Variants in COX7B2 observed in about 807,000 individuals in gnomAD.
COX7B2 encodes the protein cytochrome c oxidase subunit 7B2, mitochondrial.
For missense variants in COX7B2, 109 were observed against 95.9 expected (o/e 1.14, Z -0.57); for synonymous variants, 37 against 32.1 (o/e 1.15, Z -0.51).
intron 1 of COX7B2, among the ~76,000 whole-genome samples, chr4:46,878,470 T>C (rs1718491145): frequency 6.7e-6 from 1 of 149,396 alleles, no homozygotes; most frequent in Non-Finnish European, 1.5e-5. Context: ...TACATATACA[T>C]AAGTTAGCAC....
At chr4:46,810,579 T>A (rs758612636) in intron 2 of COX7B2, among the ~76,000 whole-genome samples, 16 of 152,096 alleles carry the variant, frequency 1.1e-4, no homozygotes, top group Admixed American at 5.2e-4. Flanking sequence ...ACAATTTACA[T>A]CTTTTTCTAT....
chr4:46,759,367 A>G (rs972411356), intron 2 of COX7B2, among the ~76,000 whole-genome samples: 3 of 152,108 alleles, frequency 2.0e-5, no homozygotes, highest in African/African-American at 7.2e-5. Context: ...TGAACAAGAA[A>G]CTATGAAGAA....
At chr4:46,784,886 T>A (rs1432986632) in intron 2 of COX7B2, among the ~76,000 whole-genome samples, 1 of 152,248 alleles carries the variant, frequency 6.6e-6, no homozygotes, top group African/African-American at 2.4e-5. Flanking sequence ...AGCTCCTTGA[T>A]CCTGATAGGT....
At chr4:46,883,001 G>A (rs905450790) in intron 1 of COX7B2, among the ~76,000 whole-genome samples, 6 of 152,222 alleles carry the variant, frequency 3.9e-5, no homozygotes, top group African/African-American at 1.2e-4. Context: ...GTAACAATTT[G>A]AAGGCTATGA....
intron 1 of COX7B2, among the ~76,000 whole-genome samples, chr4:46,887,715 A>G (rs1002473741): frequency 1.3e-4 from 20 of 150,948 alleles, no homozygotes; most frequent in African/African-American, 2.9e-4. Context: ...CTTCTCAAAA[A>G]AAAAAAAAAA....
chr4:46,776,542 G>A (rs1459219752), intron 2 of COX7B2, among the ~76,000 whole-genome samples: 1 of 152,088 alleles, frequency 6.6e-6, no homozygotes, highest in Non-Finnish European at 1.5e-5. Context: ...ATATGATTAA[G>A]CGTGTAAAGT....
intron 2 of COX7B2, among the ~76,000 whole-genome samples, chr4:46,792,217 T>C (rs1560383730): frequency 6.6e-6 from 1 of 152,224 alleles, no homozygotes; most frequent in Non-Finnish European, 1.5e-5. Context: ...TTGAAAGTAC[T>C]TCTACATATA....
rs555297027 is a variant in COX7B2 at position 46,860,629 on chromosome 4, C to T, written c.-104-15615G>A. Among the ~76,000 whole-genome samples the T allele has an allele frequency of 2.0e-5, 3 of 152,216 alleles. No individual in the cohort carries two copies. In the South Asian group the frequency reaches 6.2e-4, roughly 32 times the overall value. On this transcript the variant is annotated intron_variant, in intron 1 of 2. Transcript: ENST00000355591. The stretch of plus-strand genomic sequence containing the variant: ...TTCAAAATCCCCCATAGTTTGGGTG[C>T]CCTAGACAGAAGTACATCTGACCAA...
intron 2 of COX7B2, among the ~76,000 whole-genome samples, chr4:46,777,285 G>A (rs891848985): frequency 6.6e-6 from 1 of 152,126 alleles, no homozygotes; most frequent in Non-Finnish European, 1.5e-5. Flanking sequence ...AAGAGTGATT[G>A]AATACAGTTA....
At chr4:46,795,016 C>T (rs1341341652) in intron 2 of COX7B2, among the ~76,000 whole-genome samples, 4 of 140,376 alleles carry the variant, frequency 2.8e-5, no homozygotes, top group East Asian at 1.9e-4. Flanking sequence ...AGTGTCTGTT[C>T]ATGTCCTTCG....
intron 1 of COX7B2, among the ~76,000 whole-genome samples, chr4:46,850,115 G>C (rs1264972729): frequency 6.6e-6 from 1 of 151,202 alleles, no homozygotes; most frequent in Non-Finnish European, 1.5e-5. Context: ...AGGGAAGATA[G>C]ATAAATTGAT....
At chr4:46,762,267 T>A in intron 2 of COX7B2, among the ~76,000 whole-genome samples, 1 of 141,078 alleles carries the variant, frequency 7.1e-6, no homozygotes, top group South Asian at 2.1e-4. Flanking sequence ...TATAATATAT[T>A]TAATATATAT....
At chr4:46,847,856 A>C (rs1393477417) in intron 1 of COX7B2, among the ~76,000 whole-genome samples, 2 of 152,046 alleles carry the variant, frequency 1.3e-5, no homozygotes, top group Non-Finnish European at 2.9e-5. Flanking sequence ...CAGCATTGAA[A>C]ATGACAGGAG....
Position 46,791,190 on chromosome 4 carries a change from T to C in COX7B2, c.-50+53770A>G, listed in dbSNP as rs1455027823. ...ATTTTTTGTATTTTTTTTTTTTTTT[T>C]AGTAGAGAGGGAGTTTTACCGTGTT... On this transcript the variant is annotated intron_variant, in intron 2 of 2. Coordinates refer to ENST00000355591, the MANE Select transcript of COX7B2 (RefSeq NM_130902.3). Among the ~76,000 whole-genome samples, 10 of 151,164 alleles carry C rather than the reference T, an allele frequency of 6.6e-5. No individual in the cohort carries two copies. The South Asian group carries it at 8.4e-4, about 13-fold the overall frequency.
chr4:46,865,987 C>T (rs1199769317), intron 1 of COX7B2, among the ~76,000 whole-genome samples: 3 of 152,180 alleles, frequency 2.0e-5, no homozygotes, highest in Non-Finnish European at 4.4e-5. Flanking sequence ...AGATTGGGTA[C>T]TAGTACCTCC....
chr4:46,872,867 G>A (rs1718083297), intron 1 of COX7B2, among the ~76,000 whole-genome samples: 1 of 151,994 alleles, frequency 6.6e-6, no homozygotes, highest in Non-Finnish European at 1.5e-5. Flanking sequence ...TACATGTGCA[G>A]AACATGCAGT....
chr4:46,843,248 T>C (rs556745164), intron 2 of COX7B2, among the ~76,000 whole-genome samples: 1 of 152,170 alleles, frequency 6.6e-6, no homozygotes, highest in East Asian at 1.9e-4. Flanking sequence ...TCATCAATAA[T>C]AGAGAAATAA....
intron 2 of COX7B2, among the ~76,000 whole-genome samples, chr4:46,788,524 AT>A (rs777821115): frequency 1.8e-4 from 28 of 152,228 alleles, no homozygotes; most frequent in Non-Finnish European, 3.1e-4. Context: ...ATAAGAAGTT[AT>A]AAATGTAAAA....
intron 2 of COX7B2, among the ~76,000 whole-genome samples, chr4:46,829,072 A>T (rs1714896638): frequency 6.6e-6 from 1 of 152,188 alleles, no homozygotes; most frequent in Non-Finnish European, 1.5e-5. Flanking sequence ...GATTGAGATT[A>T]CCGTCTTTCT....
Sources: allele counts gnomAD v4.1 joint callset (sites outside exome capture counted in the v4.1 genomes callset), GRCh38; gene constraint gnomAD v4.1.1; transcripts MANE v1.5; gene names NCBI Gene and HGNC (gene_info 2026-07-23, HGNC 2026-07-21).